The following ADARB2 variants were observed in gnomAD, a reference collection of about 807,000 sequenced individuals.
The protein encoded by ADARB2 is inactive double-stranded RNA-specific editase B2.
Under a neutral mutation model 62.2 loss-of-function variants are expected in ADARB2, and 25 were observed. The ratio of observed to expected loss-of-function variants is 0.40; its 90% CI spans 0.29 to 0.56. The LOEUF is 0.56. Among genes scored for constraint, ADARB2 ranks in the 20% least tolerant of loss-of-function variants. The pLI is 0.43. For missense variants in ADARB2, 1,071 were observed against 1,077.4 expected (o/e 0.99, Z 0.08); for synonymous variants, 572 against 500.8 (o/e 1.14, Z -1.90).
chr10:1,621,037 G>A (rs1007727348), intron 1 of ADARB2, among the ~76,000 whole-genome samples: 2 of 152,196 alleles, frequency 1.3e-5, no homozygotes, highest in African/African-American at 4.8e-5. Flanking sequence ...CTTTCCTGTA[G>A]ATCAGGGACA....
intron 3 of ADARB2, among the ~76,000 whole-genome samples, chr10:1,309,008 G>A (rs192000610): frequency 6.6e-6 from 1 of 152,238 alleles, no homozygotes; most frequent in East Asian, 1.9e-4. Context: ...CCCCAAAAAG[G>A]CAATGATTTT....
chr10:1,335,714 G>A (rs1226933436), intron 3 of ADARB2, among the ~76,000 whole-genome samples: 1 of 152,116 alleles, frequency 6.6e-6, no homozygotes, highest in Non-Finnish European at 1.5e-5. Context: ...GGATAAGTGA[G>A]TCCCATCCTA....
At chr10:1,362,712 G>T (rs1055287181) in intron 3 of ADARB2, among the ~76,000 whole-genome samples, 2 of 152,110 alleles carry the variant, frequency 1.3e-5, no homozygotes, top group Non-Finnish European at 2.9e-5. Context: ...CCGACCCTAC[G>T]CGTGGAGACC....
At chr10:1,615,512 A>C (rs997648774) in intron 1 of ADARB2, among the ~76,000 whole-genome samples, 2 of 152,194 alleles carry the variant, frequency 1.3e-5, no homozygotes, top group African/African-American at 4.8e-5. Flanking sequence ...TCCACCCGGG[A>C]GAGTGTGTCT....
intron 4 of ADARB2, among the ~76,000 whole-genome samples, chr10:1,270,677 G>A (rs1264707690): frequency 6.6e-6 from 1 of 152,230 alleles, no homozygotes; most frequent in East Asian, 1.9e-4. Flanking sequence ...ACTCTCAGGA[G>A]ACGTGGGTCC....
At chr10:1,598,268 G>A (rs370874494) in intron 1 of ADARB2, among the ~76,000 whole-genome samples, 27 of 151,674 alleles carry the variant, frequency 1.8e-4, no homozygotes, top group African/African-American at 5.8e-4. Flanking sequence ...CCCCTGCTGG[G>A]TGCCCTGCTC....
rs781171616 is a variant in ADARB2 at position 1,675,907 on chromosome 10, G to C, written c.100+61144C>G. 10 of 804,774 alleles carry C rather than the reference G, an allele frequency of 1.2e-5. No homozygotes were observed. The African/African-American group carries it at 1.9e-4, about 15-fold the overall frequency. The allele number at this position is 804,774 out of a possible 1,614,324, so 49.9% of individuals were successfully genotyped here. A position where few individuals can be genotyped will look rare whatever the true frequency, so the allele number is the denominator to read the frequency against. On this transcript the variant is annotated intron_variant, in intron 1 of 9. Coordinates refer to ENST00000381312, the MANE Select transcript of ADARB2 (RefSeq NM_018702.4). ...GAGTGGCAGCTCAGAGGAAGGGGCT[G>C]CAGAGGTCCGCGTGGGTCAGAGTTG...
At chr10:1,723,405 G>A (rs1835121731) in intron 1 of ADARB2, among the ~76,000 whole-genome samples, 1 of 152,024 alleles carries the variant, frequency 6.6e-6, no homozygotes, top group Admixed American at 6.5e-5. Context: ...CAGCCGGTGG[G>A]GCCGGAGGGA....
chr10:1,224,607 G>A (rs560766017), intron 6 of ADARB2, among the ~76,000 whole-genome samples: 108 of 152,290 alleles, frequency 7.1e-4, no homozygotes, highest in Middle Eastern at 3.4e-3. Flanking sequence ...ATGTGTCCCA[G>A]AGATTCTGGT....
chr10:1,325,204 C>T (rs960840024), intron 3 of ADARB2, among the ~76,000 whole-genome samples: 2 of 152,180 alleles, frequency 1.3e-5, no homozygotes, highest in Admixed American at 1.3e-4. Flanking sequence ...CATGAACCTC[C>T]GTGGACACAG....
intron 1 of ADARB2, among the ~76,000 whole-genome samples, chr10:1,689,263 C>T (rs997065531): frequency 2.8e-4 from 42 of 152,228 alleles, no homozygotes; most frequent in African/African-American, 3.6e-4. Flanking sequence ...TTTGATGAGA[C>T]GTTGAATTGT....
rs1295614974 is a variant in ADARB2, at chr10:1,514,361, C to T, written c.101-135201G>A. ...TCCACGGCCCTCAATTTCAGGGTAA[C>T]AGCCGTCAGTTCTCCACTGCTTCTC... On this transcript the variant is annotated intron_variant, in intron 1 of 9. Transcript: ENST00000381312. Among the ~76,000 whole-genome samples, 10 of 151,676 alleles carry T rather than the reference C, an allele frequency of 6.6e-5. No individual in the cohort carries two copies. In the East Asian group the frequency reaches 1.7e-3, roughly 26 times the overall value.
intron 3 of ADARB2, among the ~76,000 whole-genome samples, chr10:1,330,161 C>A (rs772379613): frequency 6.6e-6 from 1 of 152,060 alleles, no homozygotes; most frequent in Non-Finnish European, 1.5e-5. Context: ...AGGGCTGAGT[C>A]AGGGTCGATT....
At chr10:1,702,778 G>A (rs1225429107) in intron 1 of ADARB2, among the ~76,000 whole-genome samples, 1 of 152,226 alleles carries the variant, frequency 6.6e-6, no homozygotes, top group Non-Finnish European at 1.5e-5. Context: ...GTTCAGACAA[G>A]ATCTCAGACT....
At chr10:1,699,110 A>C (rs984688372) in intron 1 of ADARB2, among the ~76,000 whole-genome samples, 2 of 152,262 alleles carry the variant, frequency 1.3e-5, no homozygotes, top group African/African-American at 4.8e-5. Flanking sequence ...CACTGCAGTG[A>C]TTTTAAGCGT....
chr10:1,464,147 A>C (rs1407563872), intron 1 of ADARB2, among the ~76,000 whole-genome samples: 2 of 151,380 alleles, frequency 1.3e-5, no homozygotes, highest in African/African-American at 4.9e-5. Flanking sequence ...ACTCCCCCAC[A>C]CACGCGCGGG....
chr10:1,593,701 G>C (rs1363848599), intron 1 of ADARB2, among the ~76,000 whole-genome samples: 1 of 152,108 alleles, frequency 6.6e-6, no homozygotes, highest in African/African-American at 2.4e-5. Flanking sequence ...TATAACTGTG[G>C]CTCCTCAGCA....
chr10:1,725,568 C>T (rs1017782437), intron 1 of ADARB2, among the ~76,000 whole-genome samples: 7 of 152,092 alleles, frequency 4.6e-5, no homozygotes, highest in African/African-American at 1.7e-4. Flanking sequence ...GGGAAAGCCC[C>T]CCACCACCCA....
intron 3 of ADARB2, chr10:1,290,338 G>T (rs1220620891): frequency 6.6e-6 from 1 of 152,272 alleles, no homozygotes; most frequent in Non-Finnish European, 1.5e-5. Context: ...ACCCACGCCT[G>T]CAGCAGAGTG....
Sources: gnomAD v4.1 joint callset for allele counts (sites outside exome capture counted in the v4.1 genomes callset) on GRCh38, gnomAD v4.1.1 for gene constraint, MANE v1.5 for transcripts, NCBI Gene and HGNC (gene_info 2026-07-23, HGNC 2026-07-21) for gene names.